DIP2B: variants seen among roughly 807,000 people sequenced by gnomAD.
The protein encoded by DIP2B is DIP2 acetate--CoA ligase B (putative), also known as disco-interacting protein 2 homolog B.
A neutral mutation model predicts 198.0 loss-of-function variants in DIP2B; 76 were observed. The ratio of observed to expected loss-of-function variants is 0.38; its 90% CI spans 0.32 to 0.46. The LOEUF (loss-of-function observed/expected upper bound fraction) is 0.46. Among genes scored for constraint, DIP2B ranks in the 20% least tolerant of loss-of-function variants. The probability of loss-of-function intolerance (pLI) is 0.99; values close to 1 mark genes in which losing one functional copy is unlikely to be tolerated. For synonymous variants in DIP2B, 701 were observed against 739.1 expected (o/e 0.95, Z 0.84); for missense variants, 1,559 against 1,978.4 (o/e 0.79, Z 4.02).
intron 37 of DIP2B, chr12:50,743,570 G>A (rs1482250520): frequency 1.3e-5 from 2 of 152,186 alleles, no homozygotes; most frequent in African/African-American, 4.8e-5. Context: ...CTGCCTTAGG[G>A]TGGTCTGAAG....
At chr12:50,623,657 G>A (rs1017150990) in intron 1 of DIP2B, among the ~76,000 whole-genome samples, 6 of 151,774 alleles carry the variant, frequency 4.0e-5, no homozygotes, top group African/African-American at 1.2e-4. Flanking sequence ...AATTTTTTAC[G>A]GAATCAGATG....
intron 3 of DIP2B, among the ~76,000 whole-genome samples, chr12:50,641,686 A>G (rs1938258900): frequency 6.6e-6 from 1 of 152,186 alleles, no homozygotes; most frequent in Non-Finnish European, 1.5e-5. Context: ...CAGCGGGAGC[A>G]TGCTCCTGCT....
chr12:50,732,576 G>A lies in DIP2B; in HGVS notation c.3981+40G>A, dbSNP rs180956666. 3.0e-5 allele frequency: 48 copies of A among 1,609,022 alleles called. No individual in the cohort carries two copies. In the East Asian group the frequency reaches 1.0e-3, roughly 35 times the overall value. On this transcript the variant is annotated intron_variant, in intron 32 of 37. Transcript: ENST00000301180. The stretch of plus-strand genomic sequence containing the variant: ...ATCTTGTCTGTTGACAAATGGGAGA[G>A]GAATATGGAGTATCCCAGAGCATGG...
intron 12 of DIP2B, among the ~76,000 whole-genome samples, chr12:50,689,420 CA>C (rs1396634953): frequency 2.6e-5 from 4 of 152,012 alleles, no homozygotes; most frequent in African/African-American, 9.7e-5. Context: ...CAGGTGAGCC[CA>C]AGCTTATGGT....
intron 1 of DIP2B, among the ~76,000 whole-genome samples, chr12:50,549,867 T>G (rs1958411997): frequency 6.6e-6 from 1 of 152,132 alleles, no homozygotes; most frequent in Non-Finnish European, 1.5e-5. Flanking sequence ...AATTTTTTGT[T>G]TTTTTCTTTT....
intron 1 of DIP2B, among the ~76,000 whole-genome samples, chr12:50,565,226 G>A (rs777381220): frequency 6.6e-5 from 10 of 151,958 alleles, no homozygotes; most frequent in South Asian, 2.1e-4. Context: ...TGAACTCCTG[G>A]GCTCAAATGA....
At position 50,683,044 on chromosome 12, in the gene DIP2B, G is replaced by A. The variant is rs923155351; in HGVS notation, c.1207-94G>A. On this transcript the variant is annotated intron_variant, in intron 9 of 37. Coordinates refer to ENST00000301180, the MANE Select transcript of DIP2B (RefSeq NM_173602.3). ...GCTGTTAAATAGTTTGATTTATTGT[G>A]TTCATGATAAATATTACATACTTAG... 3.7e-6 allele frequency: 4 copies of A among 1,068,376 alleles called. No homozygotes were observed. The African/African-American group carries it at 4.8e-5, about 13-fold the overall frequency. The allele number at this position is 1,068,376 out of a possible 1,614,324, so 66.2% of individuals were successfully genotyped here.
chr12:50,552,140 T>C (rs1169488018), intron 1 of DIP2B, among the ~76,000 whole-genome samples: 2 of 152,202 alleles, frequency 1.3e-5, no homozygotes, highest in Non-Finnish European at 2.9e-5. Context: ...TGATTTGCAT[T>C]TCTCTGATGA....
chr12:50,516,750 G>A (rs919003690), intron 1 of DIP2B, among the ~76,000 whole-genome samples: 30 of 152,000 alleles, frequency 2.0e-4, no homozygotes, highest in African/African-American at 6.0e-4. Context: ...CAAGGTGGGC[G>A]GATCACCTGA....
intron 13 of DIP2B, 42 bp from the exon 14 acceptor site, chr12:50,692,907 A>G (rs770645131): frequency 1.3e-6 from 2 of 1,566,886 alleles, no homozygotes; most frequent in Non-Finnish European, 1.7e-6. Context: ...GCTACTTAAT[A>G]CTAAAGATGA....
intron 4 of DIP2B, 88 bp from the exon 5 acceptor site, chr12:50,671,098 G>A (rs760082237): frequency 2.2e-5 from 29 of 1,313,486 alleles, no homozygotes; most frequent in Middle Eastern, 2.7e-4. Flanking sequence ...TGCTGGTGTC[G>A]AAACTGAATG....
At chr12:50,536,445 G>A (rs1958268121) in intron 1 of DIP2B, among the ~76,000 whole-genome samples, 1 of 152,126 alleles carries the variant, frequency 6.6e-6, no homozygotes, top group Non-Finnish European at 1.5e-5. Context: ...GAGACCCTAT[G>A]TCTTTAAGAA....
intron 19 of DIP2B, among the ~76,000 whole-genome samples, chr12:50,701,123 C>A (rs1001623687): frequency 6.6e-6 from 1 of 152,208 alleles, no homozygotes; most frequent in African/African-American, 2.4e-5. Context: ...AGCCAGAATT[C>A]TCAGACTTAA....
chr12:50,542,134 A>G (rs1041118243), intron 1 of DIP2B, among the ~76,000 whole-genome samples: 1 of 149,900 alleles, frequency 6.7e-6, no homozygotes, highest in Non-Finnish European at 1.5e-5. Flanking sequence ...TACTAAAAAT[A>G]CTACTTGGGA....
chr12:50,740,519 C>T (rs1054732347), intron 36 of DIP2B, among the ~76,000 whole-genome samples: 1 of 152,210 alleles, frequency 6.6e-6, no homozygotes, highest in African/African-American at 2.4e-5. Flanking sequence ...AGGAAGCACC[C>T]ATTAGTCATT....
chr12:50,695,080 G>A (rs981547191), intron 14 of DIP2B, among the ~76,000 whole-genome samples, 187 bp from the exon 15 acceptor site: 8 of 152,102 alleles, frequency 5.3e-5, no homozygotes, highest in African/African-American at 1.9e-4. Context: ...GGAGAGGAGG[G>A]AACCAGGTTT....
chr12:50,557,604 T>G (rs151101741), intron 1 of DIP2B, among the ~76,000 whole-genome samples: 37 of 152,328 alleles, frequency 2.4e-4, no homozygotes, highest in African/African-American at 7.9e-4. Flanking sequence ...GCTAATGGGC[T>G]GCTGGGTGGG....
intron 1 of DIP2B, among the ~76,000 whole-genome samples, chr12:50,545,482 C>T (rs947636600): frequency 2.0e-5 from 3 of 147,904 alleles, no homozygotes; most frequent in Non-Finnish European, 4.5e-5. Flanking sequence ...CTCAAGTGAT[C>T]ATCTCACCCC....
chr12:50,607,285 A>G (rs1196763703), intron 1 of DIP2B, among the ~76,000 whole-genome samples: 1 of 152,134 alleles, frequency 6.6e-6, no homozygotes, highest in Non-Finnish European at 1.5e-5. Flanking sequence ...CCCATTTTAC[A>G]GATAGAAAAA....
Sources: allele counts gnomAD v4.1 joint callset (sites outside exome capture counted in the v4.1 genomes callset), GRCh38; gene constraint gnomAD v4.1.1; transcripts MANE v1.5; gene names NCBI Gene and HGNC (gene_info 2026-07-23, HGNC 2026-07-21).